Variants in RASA2 observed in about 807,000 individuals in gnomAD.
RASA2 encodes the protein RAS p21 protein activator 2, also known as ras GTPase-activating protein 2.
In RASA2, 155 loss-of-function variants were observed where a neutral mutation model predicts 118.2. The observed-to-expected ratio is 1.31, with a 90% confidence interval of 1.15 to 1.50. The LOEUF (loss-of-function observed/expected upper bound fraction) is 1.50. RASA2 is among the 40% of genes most tolerant of loss of function. The pLI, the probability that RASA2 is intolerant of heterozygous loss-of-function variation, is 0.00. For synonymous variants in RASA2, 353 were observed against 349.1 expected (o/e 1.01, Z -0.12); for missense variants, 1,016 against 1,009.6 (o/e 1.01, Z -0.09).
At position 141,571,084 on chromosome 3, in the gene RASA2, T is replaced by G. The variant is rs759601230; in HGVS notation, c.1020+16T>G. On this transcript the variant is annotated intron_variant, in intron 10 of 23. Coordinates refer to ENST00000286364, the MANE Select transcript of RASA2 (RefSeq NM_006506.5). ...AGATGTTCAAGTATGTTAAGAATCT[T>G]AAGGATATGATTTAACACGAAACGG... The G allele has an allele frequency of 1.8e-5, 28 of 1,583,916 alleles. No individual in the cohort carries two copies. Among genetic ancestry groups the G allele is most frequent in the Non-Finnish European group, 2.3e-5 (27 of 1,169,976 alleles).
chr3:141,503,117 ACTGT>A (rs2081809172), intron 1 of RASA2, among the ~76,000 whole-genome samples: 1 of 152,066 alleles, frequency 6.6e-6, no homozygotes, highest in Non-Finnish European at 1.5e-5. Flanking sequence ...AATATTTAAC[ACTGT>A]CTTGGAGCAT....
At chr3:141,589,687 A>G (rs2083258561) in intron 19 of RASA2, among the ~76,000 whole-genome samples, 1 of 152,052 alleles carries the variant, frequency 6.6e-6, no homozygotes. Flanking sequence ...CCAAAAATAC[A>G]AAAATTAGCC....
chr3:141,580,085 A>AAATATAT lies in RASA2; in HGVS notation c.1591-282_1591-281insATATATA, dbSNP rs1553797703. ...AAAAAAAAAGAAAAAAAAAAAAAAA[A>AAATATAT]ATATATATATATATATATATATATA... On this transcript the variant is annotated intron_variant, in intron 15 of 23. Coordinates refer to ENST00000286364, the MANE Select transcript of RASA2 (RefSeq NM_006506.5). 1.5e-3 allele frequency among the ~76,000 whole-genome samples: 90 copies of AAATATAT among 59,582 alleles called. 1 individual carries two copies. The highest frequency in any genetic ancestry group is 7.3e-3 in the South Asian group (8 of 1,102). The allele number at this position is 59,582 out of a possible 152,430, so 39.1% of individuals were successfully genotyped here.
At chr3:141,581,292 T>C in intron 17 of RASA2, 115 bp downstream of exon 17, 2 of 877,582 alleles carry the variant, frequency 2.3e-6, no homozygotes, top group Non-Finnish European at 3.0e-6. Flanking sequence ...GTTTAAACTG[T>C]TCATCAAAAA....
chr3:141,594,230 A>G (rs989660013), intron 19 of RASA2, among the ~76,000 whole-genome samples: 13 of 152,196 alleles, frequency 8.5e-5, no homozygotes, highest in Non-Finnish European at 1.9e-4. Context: ...AAATGAACCA[A>G]TCTAGAACAC....
intron 17 of RASA2, among the ~76,000 whole-genome samples, chr3:141,582,412 T>C (rs951797063): frequency 6.6e-6 from 1 of 152,198 alleles, no homozygotes; most frequent in Non-Finnish European, 1.5e-5. Context: ...TTTGTGACAC[T>C]GTAGGCAGAC....
chr3:141,571,471 GC>G lies in RASA2; in HGVS notation c.1090del (p.Val365TyrfsTer20). On this transcript the variant is annotated frameshift_variant, in exon 11 of 24. Coordinates refer to ENST00000286364, the MANE Select transcript of RASA2 (RefSeq NM_006506.5). LOFTEE classifies it high-confidence loss of function. Reference protein sequence around the residue: ...ICRDKNDAVLPLVRLLLHHDK... With the variant: ...ICRDKNDAVLXLVRLLLHHDK... ...GTCGAGATAAAAATGATGCTGTTTT[GC>G]CCCTTGTACGACTGCTGCTGCACCA... 1 of 1,613,524 alleles carries G rather than the reference GC, an allele frequency of 6.2e-7. No homozygotes were observed. The highest frequency in any genetic ancestry group is 8.5e-7 in the Non-Finnish European group (1 of 1,179,672).
intron 11 of RASA2, among the ~76,000 whole-genome samples, chr3:141,572,077 C>CACAT (rs1325643460): frequency 7.0e-6 from 1 of 142,126 alleles, no homozygotes; most frequent in Non-Finnish European, 1.5e-5. Context: ...CACACACACA[C>CACAT]ATATGTATTG....
intron 1 of RASA2, among the ~76,000 whole-genome samples, chr3:141,487,499 T>C (rs2081592475): frequency 2.1e-5 from 3 of 141,368 alleles, no homozygotes; most frequent in Admixed American, 2.1e-4. Flanking sequence ...GGCTCGGTCG[T>C]GGGGAGCGGC....
At chr3:141,609,063 G>C (rs2083594773) in intron 21 of RASA2, among the ~76,000 whole-genome samples, 5 of 152,172 alleles carry the variant, frequency 3.3e-5, no homozygotes, top group African/African-American at 1.2e-4. Context: ...TGTTTAAATA[G>C]AAGCATGAGC....
intron 1 of RASA2, among the ~76,000 whole-genome samples, chr3:141,492,968 C>T (rs1424629753): frequency 4.6e-5 from 7 of 152,064 alleles, no homozygotes; most frequent in Non-Finnish European, 1.0e-4. Flanking sequence ...TTTTAGACAT[C>T]TGTATTCTTA....
At chr3:141,594,364 A>AT (rs11400810) in intron 19 of RASA2, among the ~76,000 whole-genome samples, 19,525 of 150,258 alleles carry the variant, frequency 0.13, 1,794 homozygotes, top group East Asian at 0.24. Flanking sequence ...AAAAAAAAAA[A>AT]TTTTTTTTTG....
chr3:141,603,587 A>G (rs1478691151), intron 19 of RASA2, among the ~76,000 whole-genome samples: 1 of 152,188 alleles, frequency 6.6e-6, no homozygotes. Context: ...AAAATAAAAA[A>G]TAAAATTTAG....
At chr3:141,512,666 A>G (rs1316028876) in intron 2 of RASA2, among the ~76,000 whole-genome samples, 2 of 152,224 alleles carry the variant, frequency 1.3e-5, no homozygotes, top group Non-Finnish European at 2.9e-5. Flanking sequence ...GTATCATATT[A>G]AATTCTAATT....
rs753646510 is a variant in RASA2 at position 141,512,156 on chromosome 3, C to G, written c.134-7C>G. On this transcript the variant is annotated splice_polypyrimidine_tract_variant and splice_region_variant and intron_variant, in intron 1 of 23. Transcript: ENST00000286364. ...TTTAATAACAATTTTAAATTTTATG[C>G]CAACAGGTGAAGCAAAAAATTTATT... 2 of 1,583,640 alleles carry G rather than the reference C, an allele frequency of 1.3e-6. No individual in the cohort carries two copies. The highest frequency in any genetic ancestry group is 3.4e-5 in the Admixed American group (2 of 58,864).
In RASA2 at chr3:141,614,739, T is replaced by C. The variant is rs1041480129; in HGVS notation, c.*2426T>C. 3.3e-5 allele frequency: 5 copies of C among 152,222 alleles called. No homozygotes were observed. The highest frequency in any genetic ancestry group is 6.5e-5 in the Admixed American group (1 of 15,278). The allele number at this position is 152,222 out of a possible 1,614,324, so 9.4% of individuals were successfully genotyped here. On this transcript the variant is annotated 3_prime_UTR_variant, in exon 24 of 24. Coordinates refer to ENST00000286364, the MANE Select transcript of RASA2 (RefSeq NM_006506.5). ...GCTTTGTTTTTTAATATTCATTTAA[T>C]AAGATGATGGGCAATAGCAAACATT... is the stretch of plus-strand genomic sequence containing the variant.
intron 3 of RASA2, 123 bp downstream of exon 3, chr3:141,516,554 A>G: frequency 1.3e-6 from 1 of 745,454 alleles, no homozygotes; most frequent in Non-Finnish European, 1.8e-6. Flanking sequence ...TTTTCTGTAG[A>G]CTACATGTTC....
At chr3:141,547,407 G>A (rs1324945569) in intron 5 of RASA2, among the ~76,000 whole-genome samples, 4 of 152,026 alleles carry the variant, frequency 2.6e-5, no homozygotes, top group African/African-American at 7.2e-5. Context: ...CATTATAGAT[G>A]TCTTTCACTT....
intron 3 of RASA2, among the ~76,000 whole-genome samples, chr3:141,517,069 C>T (rs1336990011): frequency 6.7e-6 from 1 of 149,742 alleles, no homozygotes; most frequent in East Asian, 2.0e-4. Flanking sequence ...CACGCCTGGC[C>T]GGGCAGGGAC....
Sources: allele counts gnomAD v4.1 joint callset (sites outside exome capture counted in the v4.1 genomes callset), GRCh38; gene constraint gnomAD v4.1.1; transcripts MANE v1.5; gene names NCBI Gene and HGNC (gene_info 2026-07-23, HGNC 2026-07-21).